Variants in VAMP8 observed in about 807,000 individuals in gnomAD.
VAMP8 encodes vesicle associated membrane protein 8.
Under a neutral mutation model 11.4 loss-of-function variants are expected in VAMP8, and 9 were observed. The ratio of observed to expected loss-of-function variants is 0.79; its 90% CI spans 0.48 to 1.38. VAMP8 has a LOEUF of 1.38. VAMP8 is among the 40% of genes most tolerant of loss of function. The pLI is 0.00. For missense variants in VAMP8, 108 were observed against 127.8 expected (o/e 0.85, Z 0.75); for synonymous variants, 42 against 44.7 (o/e 0.94, Z 0.24).
intron 2 of VAMP8, among the ~76,000 whole-genome samples, chr2:85,580,658 C>A (rs964201220): frequency 1.1e-4 from 16 of 139,138 alleles, no homozygotes; most frequent in African/African-American, 4.0e-4. Context: ...GCAGATACAG[C>A]ATTTTTTTTT....
chr2:85,578,163 G>T (rs547159340), intron 1 of VAMP8, among the ~76,000 whole-genome samples: 1 of 152,308 alleles, frequency 6.6e-6, no homozygotes, highest in East Asian at 1.9e-4. Context: ...AAGAGAACCA[G>T]AAGTTGGTTC....
chr2:85,581,962 T>C lies in VAMP8; in HGVS notation c.*246T>C, dbSNP rs1346255806. Reference sequence around the variant, plus strand: ...GTCCTTAGAGTGGGCTGGAGAGACCTAGAGGGCCCAGCATGTGGCTGGGAA... The same window carrying C: ...GTCCTTAGAGTGGGCTGGAGAGACCCAGAGGGCCCAGCATGTGGCTGGGAA... On this transcript the variant is annotated 3_prime_UTR_variant, in exon 3 of 3. Coordinates refer to ENST00000263864, the MANE Select transcript of VAMP8 (RefSeq NM_003761.5). The C allele has an allele frequency of 6.0e-6, 3 of 502,202 alleles. No individual in the cohort carries two copies. Among genetic ancestry groups the C allele is most frequent in the East Asian group, 3.4e-5 (1 of 29,146 alleles). 31.1% of individuals were successfully genotyped at this position (502,202 alleles called of 1,614,324 possible). A position where few individuals can be genotyped will look rare whatever the true frequency, so the allele number is the denominator to read the frequency against.
At chr2:85,580,016 A>G (rs1051998249) in intron 2 of VAMP8, 6 of 1,322,414 alleles carry the variant, frequency 4.5e-6, no homozygotes, top group African/African-American at 3.0e-5. Flanking sequence ...AGTGAGTGCA[A>G]TCTTGGCTCA....
rs376611516 is a variant in VAMP8, at chr2:85,581,593, G to C, written c.180G>C (p.Thr60=). Residue 60 remains threonine (T), a synonymous_variant, in exon 3 of 3, where the codon ACG becomes ACC. Transcript: ENST00000263864. ...CCCAACAGTCTGAGCACTTCAAGAC[G>C]ACATCGCAGAAGGTGGCTCGAAAAT... ...DLEATSEHFK[T]TSQKVARKFW... 6.2e-6 allele frequency: 10 copies of C among 1,614,014 alleles called. No individual in the cohort carries two copies. Among genetic ancestry groups the C allele is most frequent in the Non-Finnish European group, 7.6e-6 (9 of 1,180,044 alleles).
At position 85,581,576 on chromosome 2, in the gene VAMP8, T is replaced by TCTGAGCAC; in HGVS notation, c.164_171dup (p.Phe58LeufsTer20). On this transcript the variant is annotated frameshift_variant and splice_region_variant, in exon 3 of 3. Coordinates refer to ENST00000263864, the MANE Select transcript of VAMP8 (RefSeq NM_003761.5). LOFTEE classifies it high-confidence loss of function. ...ACTCACTCTGCCTTTTCCCCAACAGTCTGAGCACTTCAAGACGACATCGCA... is the reference window on the plus strand; with the variant it reads ...ACTCACTCTGCCTTTTCCCCAACAGTCTGAGCACCTGAGCACTTCAAGACGACATCGCA... 1 of 1,613,938 alleles carries TCTGAGCAC rather than the reference T, an allele frequency of 6.2e-7. No individual in the cohort carries two copies. Among genetic ancestry groups the TCTGAGCAC allele is most frequent in the East Asian group, 2.2e-5 (1 of 44,878 alleles).
chr2:85,578,161 CAG>C (rs1263227850), intron 1 of VAMP8, among the ~76,000 whole-genome samples: 1 of 152,182 alleles, frequency 6.6e-6, no homozygotes, highest in Non-Finnish European at 1.5e-5. Flanking sequence ...ATAAGAGAAC[CAG>C]AAGTTGGTTC....
intron 1 of VAMP8, 65 bp downstream of exon 1, chr2:85,577,714 G>C: frequency 4.5e-6 from 7 of 1,551,012 alleles, no homozygotes; most frequent in Admixed American, 2.0e-5. Flanking sequence ...TTGGGACTGG[G>C]GGTTGGCTGT....
At chr2:85,579,789 G>A in intron 2 of VAMP8, 3 of 1,550,694 alleles carry the variant, frequency 1.9e-6, no homozygotes, top group South Asian at 2.4e-5. Context: ...CTCCAAAGTT[G>A]AGCAAAGTCT....
At chr2:85,579,228 G>T (rs1672330193) in intron 2 of VAMP8, 61 bp downstream of exon 2, 1 of 1,480,304 alleles carries the variant, frequency 6.8e-7, no homozygotes, top group Non-Finnish European at 9.0e-7. Context: ...TTTCTTTTTG[G>T]TGGGGCAAAA....
At chr2:85,577,859 CT>C (rs1672306765) in intron 1 of VAMP8, among the ~76,000 whole-genome samples, 1 of 152,204 alleles carries the variant, frequency 6.6e-6, no homozygotes, top group South Asian at 2.1e-4. Context: ...CCTCCCTCCC[CT>C]GACCTCTGTG....
chr2:85,578,875 A>G (rs1362784717), intron 1 of VAMP8, 134 bp from the exon 2 acceptor site: 35 of 944,180 alleles, frequency 3.7e-5, no homozygotes, highest in Non-Finnish European at 5.2e-5. Context: ...ACATGAAAAC[A>G]TTCTCTTTGT....
rs762208919 is a variant in VAMP8, at chr2:85,579,065, G to A, written c.60G>A (p.Val20=). Residue 20 remains valine (V), a synonymous_variant, in exon 2 of 3, where the codon GTG becomes GTA. Transcript: ENST00000263864. ...NDRVRNLQSE[V]EGVKNIMTQN... ...GTGTGCGGAACCTGCAAAGTGAGGT[G>A]GAGGGAGTTAAGAATATTATGACCC... 7 of 1,608,544 alleles carry A rather than the reference G, an allele frequency of 4.4e-6. No homozygotes were observed. The highest frequency in any genetic ancestry group is 1.7e-5 in the Admixed American group (1 of 59,364).
chr2:85,579,887 T>G (rs1419924393), intron 2 of VAMP8: 23 of 1,550,232 alleles, frequency 1.5e-5, no homozygotes, highest in Non-Finnish European at 2.0e-5. Context: ...ATTGCTCCCT[T>G]GTCTCCCTGG....
intron 2 of VAMP8, among the ~76,000 whole-genome samples, chr2:85,580,520 A>C (rs1264480818): frequency 2.6e-5 from 4 of 151,986 alleles, no homozygotes; most frequent in African/African-American, 4.8e-5. Context: ...AGGACCCCTC[A>C]GTGTGCAGGG....
At chr2:85,579,869 T>C in intron 2 of VAMP8, 1 of 1,550,572 alleles carries the variant, frequency 6.4e-7, no homozygotes, top group Non-Finnish European at 8.7e-7. Flanking sequence ...AACTCTTGGC[T>C]CTTGGGTATT....
intron 1 of VAMP8, among the ~76,000 whole-genome samples, chr2:85,578,634 T>A (rs1672320010): frequency 6.6e-6 from 1 of 152,128 alleles, no homozygotes. Context: ...CTGGGAATTG[T>A]AAATAGTGGC....
intron 2 of VAMP8, among the ~76,000 whole-genome samples, chr2:85,579,449 G>C (rs1267290537): frequency 6.6e-6 from 1 of 152,192 alleles, no homozygotes; most frequent in Non-Finnish European, 1.5e-5. Context: ...GCATTCTCAG[G>C]CTTCTCTCCC....
chr2:85,579,709 A>G (rs190007741), intron 2 of VAMP8: 2 of 1,549,264 alleles, frequency 1.3e-6, no homozygotes, highest in East Asian at 2.4e-5. Context: ...TCTCCCACAC[A>G]TCTTGCTAGA....
At chr2:85,578,835 A>C (rs760987376) in intron 1 of VAMP8, among the ~76,000 whole-genome samples, 174 bp from the exon 2 acceptor site, 5 of 152,130 alleles carry the variant, frequency 3.3e-5, no homozygotes, top group Admixed American at 1.3e-4. Flanking sequence ...GGGGCTTACA[A>C]ATGCATTTAT....
Sources: gnomAD v4.1 joint callset for allele counts (sites outside exome capture counted in the v4.1 genomes callset) on GRCh38, gnomAD v4.1.1 for gene constraint, MANE v1.5 for transcripts, NCBI Gene and HGNC (gene_info 2026-07-23, HGNC 2026-07-21) for gene names.